Variants in NEK11 observed in about 807,000 individuals in gnomAD.
NEK11 encodes serine/threonine-protein kinase Nek11.
Under a neutral mutation model 80.7 loss-of-function variants are expected in NEK11, and 72 were observed. That is an observed-to-expected ratio of 0.89 (90% confidence interval 0.74 to 1.08). The LOEUF is 1.08. Ranked by LOEUF, NEK11 falls within the 50% of genes least tolerant of loss-of-function variation. The pLI is 0.00. For missense variants in NEK11, 764 were observed against 763.6 expected (o/e 1.00, Z -0.01); for synonymous variants, 251 against 260.7 (o/e 0.96, Z 0.36).
At chr3:131,330,935 G>GC (rs1554018001) in intron 17 of NEK11, 1 of 137,940 alleles carries the variant, frequency 7.2e-6, no homozygotes, top group African/African-American at 2.7e-5. Context: ...AAGGGGGGGG[G>GC]GCAAAATCAT....
chr3:131,227,768 ATTG>A (rs2095240964), intron 14 of NEK11, among the ~76,000 whole-genome samples: 2 of 152,062 alleles, frequency 1.3e-5, no homozygotes, highest in African/African-American at 4.8e-5. Flanking sequence ...AGTAAATTAT[ATTG>A]TTATGCTTTC....
At chr3:131,050,892 G>A (rs980695648) in intron 3 of NEK11, among the ~76,000 whole-genome samples, 1 of 151,898 alleles carries the variant, frequency 6.6e-6, no homozygotes, top group Non-Finnish European at 1.5e-5. Flanking sequence ...TGGGCATGGT[G>A]GCGCATGCCT....
intron 17 of NEK11, among the ~76,000 whole-genome samples, chr3:131,336,340 C>A (rs1424367754): frequency 2.0e-5 from 3 of 152,186 alleles, no homozygotes; most frequent in Non-Finnish European, 4.4e-5. Context: ...TGATCTTTGA[C>A]AAACCTGAGA....
intron 16 of NEK11, among the ~76,000 whole-genome samples, chr3:131,252,664 A>G (rs1332352096): frequency 6.6e-6 from 1 of 152,148 alleles, no homozygotes; most frequent in Non-Finnish European, 1.5e-5. Context: ...CCTTGAGATC[A>G]GTGATTTTCA....
At chr3:131,091,873 C>A (rs1309416182) in intron 4 of NEK11, among the ~76,000 whole-genome samples, 1 of 152,184 alleles carries the variant, frequency 6.6e-6, no homozygotes, top group Admixed American at 6.6e-5. Flanking sequence ...GCAACCTGAG[C>A]AATGAGCTTT....
rs1219341078 is a variant in NEK11 at position 131,317,822 on chromosome 3, G to GGGAGGGGGA, written c.1719-31733_1719-31732insAGGGGGAGG. 5.4e-3 allele frequency among the ~76,000 whole-genome samples: 123 copies of GGGAGGGGGA among 22,638 alleles called. 6 individuals are homozygous for GGGAGGGGGA. The highest frequency in any genetic ancestry group is 0.011 in the Non-Finnish European group (113 of 10,698). The allele number at this position is 22,638 out of a possible 152,430, so 14.9% of individuals were successfully genotyped here. On this transcript the variant is annotated intron_variant, in intron 17 of 17. Transcript: ENST00000383366. ...AAGGAGGAGGAGAGGAGGAGGGGGA[G>GGGAGGGGGA]GGGAGGGGAGGGAACGAGAGAAAGA...
intron 17 of NEK11, among the ~76,000 whole-genome samples, chr3:131,306,232 G>A (rs140307127): frequency 6.6e-6 from 1 of 152,126 alleles, no homozygotes; most frequent in East Asian, 1.9e-4. Flanking sequence ...CTGGTACTTT[G>A]TCTCTTCAAA....
At chr3:131,227,920 A>G (rs1214449774) in intron 14 of NEK11, among the ~76,000 whole-genome samples, 2 of 152,146 alleles carry the variant, frequency 1.3e-5, no homozygotes, top group African/African-American at 4.8e-5. Context: ...TTTTTAAAAT[A>G]AGTGCTGAAT....
chr3:131,029,545 C>T, intron 2 of NEK11, 68 bp from the exon 3 acceptor site: 3 of 609,906 alleles, frequency 4.9e-6, no homozygotes, highest in Non-Finnish European at 8.5e-6. Context: ...TATCACTGCA[C>T]TTAACACTTT....
chr3:131,085,593 C>T (rs780336473), intron 4 of NEK11, among the ~76,000 whole-genome samples: 9 of 151,850 alleles, frequency 5.9e-5, no homozygotes, highest in East Asian at 1.9e-4. Flanking sequence ...GTTCGCAGTA[C>T]GGGAAAGATT....
intron 16 of NEK11, among the ~76,000 whole-genome samples, chr3:131,249,359 C>T (rs1315647031): frequency 6.6e-6 from 1 of 152,050 alleles, no homozygotes; most frequent in Admixed American, 6.6e-5. Flanking sequence ...CCTCAACTAC[C>T]GCTGAAGGCA....
rs2091692305 is a variant in NEK11 at position 131,162,270 on chromosome 3, A to C, written c.963-138A>C. 22 of 1,019,842 alleles carry C rather than the reference A, an allele frequency of 2.2e-5. No individual in the cohort carries two copies. In the East Asian group the frequency reaches 5.3e-4, roughly 24 times the overall value. 63.2% of individuals were successfully genotyped at this position (1,019,842 alleles called of 1,614,324 possible). A position where few individuals can be genotyped will look rare whatever the true frequency, so the allele number is the denominator to read the frequency against. ...CCTGGTTGGCTCATTACATACCCAA[A>C]GCTTATTAGTTTTTGCCTGGCCTGT... On this transcript the variant is annotated intron_variant, in intron 10 of 17. Transcript: ENST00000383366.
rs200555363 is a variant in NEK11, at chr3:131,181,902, G to GT, written c.1399+11023dup. Among the ~76,000 whole-genome samples the GT allele has an allele frequency of 7.3e-3, 1,110 of 151,472 alleles. 6 individuals carry two copies. Among genetic ancestry groups the GT allele is most frequent in the Non-Finnish European group, 0.012 (793 of 67,836 alleles). ...ACCACCATCTTTGATTCATATGCTA[G>GT]TTTTTTTTGTTGAAGTGATTGAAAT... On this transcript the variant is annotated intron_variant, in intron 14 of 17. Coordinates refer to ENST00000383366, the MANE Select transcript of NEK11 (RefSeq NM_024800.5).
intron 17 of NEK11, among the ~76,000 whole-genome samples, chr3:131,340,652 C>T: frequency 6.6e-6 from 1 of 151,922 alleles, no homozygotes; most frequent in East Asian, 1.9e-4. Flanking sequence ...GGATGTGACC[C>T]CAAGCAGTTC....
intron 7 of NEK11, among the ~76,000 whole-genome samples, chr3:131,143,923 C>T (rs1366339370): frequency 6.6e-6 from 1 of 152,100 alleles, no homozygotes; most frequent in Non-Finnish European, 1.5e-5. Flanking sequence ...ACTGATTCCT[C>T]TTTTCTAGAT....
At chr3:131,081,329 G>T (rs2075238028) in intron 4 of NEK11, among the ~76,000 whole-genome samples, 1 of 152,102 alleles carries the variant, frequency 6.6e-6, no homozygotes, top group Non-Finnish European at 1.5e-5. Flanking sequence ...TGGAAATATG[G>T]CTTTTTTCCC....
In NEK11 at chr3:131,331,853, C is replaced by T. The variant is rs185768551; in HGVS notation, c.1719-17704C>T. On this transcript the variant is annotated intron_variant, in intron 17 of 17. Transcript: ENST00000383366. ...GGAGGGTCCTACAACCACAGAGTCT[C>T]GCTGATTGCTAGCACAGCGGTCTGA... is the stretch of plus-strand genomic sequence containing the variant. Among the ~76,000 whole-genome samples, 183 of 152,334 alleles carry T rather than the reference C, an allele frequency of 1.2e-3. 1 individual carries two copies. Among genetic ancestry groups the T allele is most frequent in the African/African-American group, 4.1e-3 (169 of 41,590 alleles).
chr3:131,155,960 GT>G (rs1210388280), intron 10 of NEK11, among the ~76,000 whole-genome samples: 2 of 151,968 alleles, frequency 1.3e-5, no homozygotes, highest in Non-Finnish European at 2.9e-5. Context: ...TAATAACCTT[GT>G]TTTTATGGTT....
rs569810529 is a variant in NEK11 at position 131,258,730 on chromosome 3, A to T, written c.1622-14748A>T. ...CTTGTTGTTTTTAATCATCTATAAA[A>T]TTCAGGTGAATATTTGCAGTGTGAA... On this transcript the variant is annotated intron_variant, in intron 16 of 17. Coordinates refer to ENST00000383366, the MANE Select transcript of NEK11 (RefSeq NM_024800.5). Among the ~76,000 whole-genome samples the T allele has an allele frequency of 2.0e-5, 3 of 152,332 alleles. No individual in the cohort carries two copies. In the East Asian group the frequency reaches 5.8e-4, roughly 29 times the overall value.
Sources: allele counts gnomAD v4.1 joint callset (sites outside exome capture counted in the v4.1 genomes callset), GRCh38; gene constraint gnomAD v4.1.1; transcripts MANE v1.5; gene names NCBI Gene and HGNC (gene_info 2026-07-23, HGNC 2026-07-21).